Variants in NEO1 observed in about 807,000 individuals in gnomAD.
NEO1 encodes neogenin 1.
NEO1 carries 63 observed loss-of-function variants against 159.7 expected under a neutral mutation model. That is an observed-to-expected ratio of 0.39 (90% CI 0.32 to 0.49). The LOEUF (loss-of-function observed/expected upper bound fraction) is 0.49. Among genes scored for constraint, NEO1 ranks in the 20% least tolerant of loss-of-function variants. The pLI is 0.85. For synonymous variants in NEO1, 633 were observed against 662.0 expected (o/e 0.96, Z 0.67); for missense variants, 1,615 against 1,831.0 (o/e 0.88, Z 2.15).
At chr15:73,178,797 A>T (rs992049110) in intron 7 of NEO1, among the ~76,000 whole-genome samples, 19 of 152,270 alleles carry the variant, frequency 1.2e-4, no homozygotes, top group Non-Finnish European at 2.2e-4. Context: ...TAACATTCAA[A>T]CACTGAGAAA....
intron 22 of NEO1, among the ~76,000 whole-genome samples, chr15:73,280,556 C>T (rs998659795): frequency 6.6e-6 from 1 of 152,184 alleles, no homozygotes; most frequent in African/African-American, 2.4e-5. Context: ...AAGTACCCAA[C>T]CCTGTAGTTC....
At chr15:73,216,914 G>A (rs1197714453) in intron 7 of NEO1, among the ~76,000 whole-genome samples, 1 of 151,812 alleles carries the variant, frequency 6.6e-6, no homozygotes, top group Non-Finnish European at 1.5e-5. Context: ...CTTTTGCTGT[G>A]CAGAAGCTCT....
At chr15:73,297,039 G>GTACA (rs1402694704) in intron 26 of NEO1, among the ~76,000 whole-genome samples, 2 of 152,198 alleles carry the variant, frequency 1.3e-5, no homozygotes, top group African/African-American at 4.8e-5. Context: ...AGGCCACCTG[G>GTACA]TACAGTCCAT....
chr15:73,053,358 C>A (rs1338812448), intron 1 of NEO1, among the ~76,000 whole-genome samples: 2 of 152,190 alleles, frequency 1.3e-5, no homozygotes, highest in Non-Finnish European at 2.9e-5. Context: ...GTCAGAGGGG[C>A]ACAATTGCCC....
intron 5 of NEO1, among the ~76,000 whole-genome samples, chr15:73,173,495 T>C (rs2035097014): frequency 6.6e-6 from 1 of 152,180 alleles, no homozygotes; most frequent in African/African-American, 2.4e-5. Flanking sequence ...GCCAGATATA[T>C]GTAAAGCTGG....
chr15:73,140,515 C>T (rs866931575), intron 5 of NEO1, among the ~76,000 whole-genome samples: 44 of 151,988 alleles, frequency 2.9e-4, no homozygotes, highest in African/African-American at 3.9e-4. Context: ...ACGATTGTGC[C>T]GCTGCATTCC....
At chr15:73,154,362 TTC>T (rs2033617346) in intron 5 of NEO1, among the ~76,000 whole-genome samples, 1 of 152,220 alleles carries the variant, frequency 6.6e-6, no homozygotes, top group Non-Finnish European at 1.5e-5. Flanking sequence ...AGTCCAGTTA[TTC>T]TCTCTTAATT....
intron 1 of NEO1, among the ~76,000 whole-genome samples, chr15:73,115,523 A>T (rs1447004076): frequency 6.6e-6 from 1 of 152,206 alleles, no homozygotes; most frequent in South Asian, 2.1e-4. Context: ...TATAGAATTT[A>T]TGTCATCCTT....
intron 9 of NEO1, among the ~76,000 whole-genome samples, chr15:73,246,104 G>A (rs2039780641): frequency 6.6e-6 from 1 of 152,160 alleles, no homozygotes; most frequent in Non-Finnish European, 1.5e-5. Flanking sequence ...TGAAGAAGCT[G>A]TAGAACTTCA....
At chr15:73,112,456 A>G (rs1263643531) in intron 1 of NEO1, among the ~76,000 whole-genome samples, 3 of 152,096 alleles carry the variant, frequency 2.0e-5, no homozygotes, top group Non-Finnish European at 4.4e-5. Context: ...ATAAAGTAAA[A>G]CATGCCTCTT....
chr15:73,288,192 T>C, intron 23 of NEO1, 121 bp from the exon 24 acceptor site: 1 of 811,002 alleles, frequency 1.2e-6, no homozygotes, highest in South Asian at 1.7e-5. Flanking sequence ...AGGTATGTTT[T>C]TAGTTTTTGC....
chr15:73,105,967 C>A (rs1008880818), intron 1 of NEO1, among the ~76,000 whole-genome samples: 2 of 152,086 alleles, frequency 1.3e-5, no homozygotes, highest in Non-Finnish European at 1.5e-5. Flanking sequence ...TGTGTGACTT[C>A]TTTTTTCCAG....
At chr15:73,078,371 A>G (rs564270671) in intron 1 of NEO1, among the ~76,000 whole-genome samples, 130 of 152,276 alleles carry the variant, frequency 8.5e-4, no homozygotes, top group Non-Finnish European at 1.4e-3. Context: ...AACACAGTGG[A>G]TGTTTGAATG....
At chr15:73,233,668 G>A (rs977460975) in intron 7 of NEO1, among the ~76,000 whole-genome samples, 10 of 152,078 alleles carry the variant, frequency 6.6e-5, no homozygotes, top group African/African-American at 2.4e-4. Context: ...ATAGATCTGT[G>A]CTATGGAAGT....
At chr15:73,294,495 T>G (rs1596635365) in intron 26 of NEO1, among the ~76,000 whole-genome samples, 1 of 152,256 alleles carries the variant, frequency 6.6e-6, no homozygotes, top group South Asian at 2.1e-4. Context: ...GAAATTTGGG[T>G]TTCCAGTAAT....
chr15:73,053,499 A>G (rs2067562558), intron 1 of NEO1, among the ~76,000 whole-genome samples: 1 of 152,250 alleles, frequency 6.6e-6, no homozygotes, highest in Non-Finnish European at 1.5e-5. Flanking sequence ...TTTACAGCCT[A>G]TTAACCACTC....
At chr15:73,237,020 C>G (rs2039216413) in intron 8 of NEO1, among the ~76,000 whole-genome samples, 1 of 152,192 alleles carries the variant, frequency 6.6e-6, no homozygotes, top group Admixed American at 6.5e-5. Context: ...GTCCAGGCTG[C>G]TTTGTGCCAC....
intron 1 of NEO1, among the ~76,000 whole-genome samples, chr15:73,073,933 C>G (rs1406676504): frequency 2.0e-5 from 3 of 152,114 alleles, no homozygotes; most frequent in African/African-American, 7.2e-5. Context: ...AGTATTTACC[C>G]TACTCTAGAA....
At chr15:73,232,517 G>A (rs896876538) in intron 7 of NEO1, among the ~76,000 whole-genome samples, 2 of 152,014 alleles carry the variant, frequency 1.3e-5, no homozygotes, top group Non-Finnish European at 2.9e-5. Flanking sequence ...GCTTTCTACC[G>A]GGCTCTCTCA....
Sources: allele counts gnomAD v4.1 joint callset (sites outside exome capture counted in the v4.1 genomes callset), GRCh38; gene constraint gnomAD v4.1.1; transcripts MANE v1.5; gene names NCBI Gene and HGNC (gene_info 2026-07-23, HGNC 2026-07-21).